The following FCRL2 variants were observed in gnomAD, a reference collection of about 807,000 sequenced individuals.
The protein encoded by FCRL2 is Fc receptor like 2, also known as Fc receptor-like protein 2.
FCRL2 carries 48 observed loss-of-function variants against 59.8 expected under a neutral mutation model. The ratio of observed to expected loss-of-function variants is 0.80; its 90% confidence interval spans 0.64 to 1.02. FCRL2 has a LOEUF of 1.02. Ranked by LOEUF, FCRL2 falls within the 50% of genes least tolerant of loss-of-function variation. The pLI is 0.00. For missense variants in FCRL2, 658 were observed against 597.3 expected, an observed-to-expected ratio of 1.10 and a Z score of -1.06; for synonymous variants, 251 against 229.5, an observed-to-expected ratio of 1.09 and a Z score of -0.85.
chr1:157,768,224 C>T (rs1649674445), intron 5 of FCRL2, 190 bp downstream of exon 5: 1 of 576,520 alleles, frequency 1.7e-6, no homozygotes, highest in African/African-American at 1.9e-5. Flanking sequence ...CGATTACAGC[C>T]CTCTTTATAT....
intron 2 of FCRL2, among the ~76,000 whole-genome samples, chr1:157,774,156 A>G (rs1650235637): frequency 6.6e-6 from 1 of 152,252 alleles, no homozygotes; most frequent in African/African-American, 2.4e-5. Context: ...TGGTGAGTGC[A>G]GTGTATGGGT....
chr1:157,766,416 A>G (rs1323754476), intron 7 of FCRL2, among the ~76,000 whole-genome samples: 1 of 152,014 alleles, frequency 6.6e-6, no homozygotes, highest in African/African-American at 2.4e-5. Context: ...GCTTGCAGTG[A>G]GCTGAGATCA....
chr1:157,750,156 G>A (rs760860073), intron 7 of FCRL2, among the ~76,000 whole-genome samples: 4 of 152,156 alleles, frequency 2.6e-5, no homozygotes, highest in Admixed American at 1.3e-4. Flanking sequence ...GTTGACATTC[G>A]TAAGGCGAAC....
intron 8 of FCRL2, 90 bp downstream of exon 8, chr1:157,749,560 G>A: frequency 1.2e-6 from 1 of 866,760 alleles, no homozygotes; most frequent in South Asian, 1.6e-5. Context: ...CATAGCTTCA[G>A]TCTCAACGTA....
In FCRL2 at chr1:157,772,826, T is replaced by C. The variant is rs74807062; in HGVS notation, c.53-2160A>G. On this transcript the variant is annotated intron_variant, in intron 2 of 11. Transcript: ENST00000361516. ...CCACTCCTTGCACTGAAAGCATATC[T>C]AGCTATGTGTTTACTTAAGAGGTTC... 6.2e-3 allele frequency among the ~76,000 whole-genome samples: 944 copies of C among 152,328 alleles called. 14 individuals carry two copies. The East Asian group carries it at 0.063, about 10-fold the overall frequency.
intron 7 of FCRL2, among the ~76,000 whole-genome samples, chr1:157,763,966 C>G (rs1371441098): frequency 6.7e-6 from 1 of 149,326 alleles, no homozygotes; most frequent in African/African-American, 2.5e-5. Context: ...GGAGGCTGAA[C>G]TCGCAGTGAG....
At chr1:157,762,562 A>T (rs1373799524) in intron 7 of FCRL2, among the ~76,000 whole-genome samples, 1 of 152,234 alleles carries the variant, frequency 6.6e-6, no homozygotes, top group African/African-American at 2.4e-5. Flanking sequence ...AAGTCTAGCA[A>T]GAGATTTGGA....
chr1:157,766,576 A>AT lies in FCRL2; in HGVS notation c.1279+278dup, dbSNP rs1308123795. 4 of 462,466 alleles carry AT rather than the reference A, an allele frequency of 8.6e-6. No homozygotes were observed. The Admixed American group carries it at 1.6e-4, about 18-fold the overall frequency. 28.6% of individuals were successfully genotyped at this position (462,466 alleles called of 1,614,324 possible). On this transcript the variant is annotated intron_variant, in intron 7 of 11. Transcript: ENST00000361516. ...ATCTATTGAAAATTACTAAATGGCA[A>AT]TTAAGAATTAGACTTTTCATTTTAA... is the stretch of plus-strand genomic sequence containing the variant.
intron 7 of FCRL2, among the ~76,000 whole-genome samples, chr1:157,765,043 A>G (rs1458392274): frequency 1.3e-5 from 2 of 152,206 alleles, no homozygotes; most frequent in Non-Finnish European, 2.9e-5. Flanking sequence ...GGTCCTTTGA[A>G]AAGATCAACA....
rs76506014 is a variant in FCRL2 at position 157,755,572 on chromosome 1, G to A, written c.1280-5895C>T. 5.2e-3 allele frequency among the ~76,000 whole-genome samples: 795 copies of A among 152,196 alleles called. 6 individuals are homozygous for A. The highest frequency in any genetic ancestry group is 0.018 in the African/African-American group (762 of 41,540). ...AATGACATCTAAAAGAAAAATTATCGTAGCATTGTGTGTCATGGAAAACAA... is the reference window on the plus strand; with the variant it reads ...AATGACATCTAAAAGAAAAATTATCATAGCATTGTGTGTCATGGAAAACAA... On this transcript the variant is annotated intron_variant, in intron 7 of 11. Coordinates refer to ENST00000361516, the MANE Select transcript of FCRL2 (RefSeq NM_030764.4).
At chr1:157,768,264 G>C in intron 5 of FCRL2, 150 bp downstream of exon 5, 1 of 693,530 alleles carries the variant, frequency 1.4e-6, no homozygotes, top group Admixed American at 2.9e-5. Context: ...CAGGTCAGCA[G>C]TCTAACCTGC....
At chr1:157,748,696 C>T (rs1048095782) in intron 9 of FCRL2, 78 bp from the exon 10 acceptor site, 2 of 1,323,464 alleles carry the variant, frequency 1.5e-6, no homozygotes, top group East Asian at 2.3e-5. Flanking sequence ...CAGGCCCTGG[C>T]TTAATGATTA....
intron 2 of FCRL2, 127 bp from the exon 3 acceptor site, chr1:157,770,793 C>G: frequency 2.0e-6 from 2 of 989,674 alleles, no homozygotes; most frequent in Non-Finnish European, 2.9e-6. Context: ...CCAATCCATG[C>G]CTTAATTACT....
Position 157,774,204 on chromosome 1 carries a change from G to A in FCRL2, c.52+1571C>T, listed in dbSNP as rs557020790. ...AGGAAATGGGGTGGAAGACTGCATT[G>A]AGGCAATGGATGGGGACAGAAAGAC... On this transcript the variant is annotated intron_variant, in intron 2 of 11. Transcript: ENST00000361516. 3.3e-5 allele frequency among the ~76,000 whole-genome samples: 5 copies of A among 152,312 alleles called. No homozygotes were observed. The South Asian group carries it at 8.3e-4, about 25-fold the overall frequency.
In FCRL2 at chr1:157,748,887, C is replaced by A. The variant is rs1285792835; in HGVS notation, c.1381G>T (p.Val461Leu). ...PTPDMEELQP[V>L]YVNVGSVDVD... ...TGGAGACACTCACCATTGACATACACTGGCTGCAGCTCCTCCATGTCTGGG... is the reference window on the plus strand; with the variant it reads ...TGGAGACACTCACCATTGACATACAATGGCTGCAGCTCCTCCATGTCTGGG... The change falls in exon 9 of 12, where the codon GTG becomes TTG. Residue 461 changes from valine (V) to leucine (L), a missense_variant. Transcript: ENST00000361516. 1.2e-6 allele frequency: 2 copies of A among 1,613,604 alleles called. No individual in the cohort carries two copies. Among genetic ancestry groups the A allele is most frequent in the Non-Finnish European group, 1.7e-6 (2 of 1,179,830 alleles).
rs371779090 is a variant in FCRL2 at position 157,770,458 on chromosome 1, T to C, written c.261A>G (p.Gln87=). The change falls in exon 3 of 12, where the codon CAA becomes CAG. Residue 87 remains glutamine, a synonymous_variant. Coordinates refer to ENST00000361516, the MANE Select transcript of FCRL2 (RefSeq NM_030764.4). ...TTGAAGTTTTATCCCAGAGAAAGAG[T>C]TGTCCTTTGGTACTACAGAAATAGT... The part of the protein sequence containing the change: ...SGNYFCSTKG[Q]LFLWDKTSNI... 1.2e-6 allele frequency: 2 copies of C among 1,613,962 alleles called. No homozygotes were observed. The highest frequency in any genetic ancestry group is 1.7e-6 in the Non-Finnish European group (2 of 1,179,960).
intron 7 of FCRL2, among the ~76,000 whole-genome samples, chr1:157,760,719 G>GAA (rs1360062917): frequency 7.2e-6 from 1 of 138,784 alleles, no homozygotes; most frequent in African/African-American, 2.7e-5. Flanking sequence ...AAGAAAGAAA[G>GAA]AAAGAAAGAA....
At position 157,760,707 on chromosome 1, in the gene FCRL2, G is replaced by GAAATAAAGAAAT. The variant is rs763431250; in HGVS notation, c.1279+6147_1279+6148insATTTCTTTATTT. Among the ~76,000 whole-genome samples the GAAATAAAGAAAT allele has an allele frequency of 2.9e-5, 3 of 104,926 alleles. 1 individual carries two copies. Among genetic ancestry groups the GAAATAAAGAAAT allele is most frequent in the Non-Finnish European group, 6.0e-5 (3 of 50,294 alleles). The allele number at this position is 104,926 out of a possible 152,430, so 68.8% of individuals were successfully genotyped here. The stretch of plus-strand genomic sequence containing the variant: ...AGAAAGAAAGAAAGAAGGAAAGAAA[G>GAAATAAAGAAAT]AAAGAAAGAAAGAAAGAAAGAAAGA... On this transcript the variant is annotated intron_variant, in intron 7 of 11. Coordinates refer to ENST00000361516, the MANE Select transcript of FCRL2 (RefSeq NM_030764.4).
rs1490127333 is a variant in FCRL2 at position 157,746,060 on chromosome 1, A to G, written c.*676T>C. The G allele has an allele frequency of 6.6e-6, 1 of 152,236 alleles. No individual in the cohort carries two copies. Among genetic ancestry groups the G allele is most frequent in the East Asian group, 1.9e-4 (1 of 5,196 alleles). The allele number at this position is 152,236 out of a possible 1,614,324, so 9.4% of individuals were successfully genotyped here. A position where few individuals can be genotyped will look rare whatever the true frequency, so the allele number is the denominator to read the frequency against. ...AGGAAGAGACAGAAACCCCTCCTAG[A>G]CCAATATCAAGCGCTGAAGTTGAAT... On this transcript the variant is annotated 3_prime_UTR_variant, in exon 12 of 12. Coordinates refer to ENST00000361516, the MANE Select transcript of FCRL2 (RefSeq NM_030764.4).
Sources: allele counts gnomAD v4.1 joint callset (sites outside exome capture counted in the v4.1 genomes callset), GRCh38; gene constraint gnomAD v4.1.1; transcripts MANE v1.5; gene names NCBI Gene and HGNC (gene_info 2026-07-23, HGNC 2026-07-21).